LINGO2: variants seen among roughly 807,000 people sequenced by gnomAD.
LINGO2 encodes leucine-rich repeat and immunoglobulin-like domain-containing nogo receptor-interacting protein 2.
Under a neutral mutation model 30.6 loss-of-function variants are expected in LINGO2, and 14 were observed. The observed-to-expected ratio is 0.46, with a 90% CI of 0.30 to 0.72. The LOEUF is 0.72. Among genes scored for constraint, LINGO2 ranks in the 30% least tolerant of loss-of-function variants. The pLI is 0.07. For missense variants in LINGO2, 729 were observed against 751.7 expected (o/e 0.97, Z 0.35); for synonymous variants, 317 against 288.5 (o/e 1.10, Z -1.00).
the LINGO2 span, among the ~76,000 whole-genome samples, chr9:29,048,660 C>G: frequency 9.4e-4 from 143 of 152,144 alleles, no homozygotes; most frequent in East Asian, 5.2e-3. Flanking sequence ...AAAACAAATC[C>G]ACACACCTAC....
At chr9:28,990,293 G>C in the LINGO2 span, among the ~76,000 whole-genome samples, 1 of 152,222 alleles carries the variant, frequency 6.6e-6, no homozygotes, top group African/African-American at 2.4e-5. Context: ...GCAGCAGCAA[G>C]GCTGGGGGAG....
At chr9:28,908,658 C>A in the LINGO2 span, among the ~76,000 whole-genome samples, 6 of 151,730 alleles carry the variant, frequency 4.0e-5, no homozygotes, top group Admixed American at 3.9e-4. Flanking sequence ...GAAAAATAAT[C>A]GTTAAAAATG....
chr9:28,011,113 G>C (rs1822531586), intron 5 of LINGO2, among the ~76,000 whole-genome samples: 1 of 152,180 alleles, frequency 6.6e-6, no homozygotes, highest in Non-Finnish European at 1.5e-5. Context: ...ACTGGTCTAG[G>C]GAAAGGGGAT....
At chr9:28,126,045 A>C (rs1397912506) in intron 4 of LINGO2, among the ~76,000 whole-genome samples, 1 of 152,170 alleles carries the variant, frequency 6.6e-6, no homozygotes, top group Non-Finnish European at 1.5e-5. Context: ...TTAAATACTA[A>C]GCAGCTCTGT....
the LINGO2 span, among the ~76,000 whole-genome samples, chr9:29,025,342 CT>C: frequency 1.1e-4 from 17 of 151,538 alleles, no homozygotes; most frequent in South Asian, 3.1e-3. Flanking sequence ...AACATTTGGC[CT>C]TTTTTTTAAG....
the LINGO2 span, among the ~76,000 whole-genome samples, chr9:29,070,309 A>G: frequency 2.0e-5 from 3 of 152,216 alleles, 1 homozygote; most frequent in South Asian, 6.2e-4. Context: ...TTCATCAGGG[A>G]ACAATATCAT....
At chr9:29,168,439 C>T in the LINGO2 span, among the ~76,000 whole-genome samples, 2 of 152,292 alleles carry the variant, frequency 1.3e-5, no homozygotes, top group East Asian at 3.9e-4. Context: ...ATAGGAATCA[C>T]ACCCACACTT....
chr9:28,857,004 G>T, the LINGO2 span, among the ~76,000 whole-genome samples: 5 of 151,974 alleles, frequency 3.3e-5, no homozygotes, highest in Admixed American at 6.6e-5. Context: ...CAGAGAAAAT[G>T]CATAATCACT....
At chr9:28,828,959 T>C in the LINGO2 span, among the ~76,000 whole-genome samples, 2 of 152,180 alleles carry the variant, frequency 1.3e-5, no homozygotes, top group Non-Finnish European at 2.9e-5. Context: ...CCCTCAAGCC[T>C]GCAACTGTGG....
intron 2 of LINGO2, among the ~76,000 whole-genome samples, chr9:28,452,566 T>C (rs1824688914): frequency 6.6e-6 from 1 of 151,852 alleles, no homozygotes; most frequent in South Asian, 2.1e-4. Flanking sequence ...CCCTACCTCA[T>C]GCAATACACT....
the LINGO2 span, among the ~76,000 whole-genome samples, chr9:29,127,715 G>A: frequency 6.6e-6 from 1 of 152,152 alleles, no homozygotes; most frequent in South Asian, 2.1e-4. Context: ...TTACCTGAAG[G>A]CCACAAAGTG....
At chr9:28,434,105 A>T (rs2134971353) in intron 2 of LINGO2, among the ~76,000 whole-genome samples, 1 of 151,856 alleles carries the variant, frequency 6.6e-6, no homozygotes, top group South Asian at 2.1e-4. Flanking sequence ...AGGATTGGAA[A>T]ACCAAATATC....
chr9:28,387,019 C>A (rs986231438), intron 2 of LINGO2, among the ~76,000 whole-genome samples: 1 of 152,082 alleles, frequency 6.6e-6, no homozygotes, highest in Non-Finnish European at 1.5e-5. Flanking sequence ...ACTAATATAG[C>A]ATTGAGAGGT....
the LINGO2 span, among the ~76,000 whole-genome samples, chr9:28,788,364 A>T: frequency 6.6e-6 from 1 of 152,182 alleles, no homozygotes; most frequent in South Asian, 2.1e-4. Context: ...TGGCAAGAAG[A>T]TTGTTCTGAT....
chr9:28,796,655 T>A, the LINGO2 span, among the ~76,000 whole-genome samples: 1 of 151,896 alleles, frequency 6.6e-6, no homozygotes, highest in Non-Finnish European at 1.5e-5. Context: ...ATATACAAAT[T>A]GATAAGAGGG....
chr9:28,672,959 A>G (rs1829079023), upstream of LINGO2, among the ~76,000 whole-genome samples: 1 of 152,172 alleles, frequency 6.6e-6, no homozygotes, highest in African/African-American at 2.4e-5. Flanking sequence ...AAGAGTATGA[A>G]TGCAAAAGAA....
intron 1 of LINGO2, among the ~76,000 whole-genome samples, chr9:28,579,762 G>A (rs1347646175): frequency 6.6e-6 from 1 of 151,980 alleles, no homozygotes; most frequent in Non-Finnish European, 1.5e-5. Flanking sequence ...TGAATTATTT[G>A]GATTCCCTAA....
chr9:28,723,275 T>C, the LINGO2 span, among the ~76,000 whole-genome samples: 1 of 152,122 alleles, frequency 6.6e-6, no homozygotes, highest in African/African-American at 2.4e-5. Flanking sequence ...GCATACTGAA[T>C]TGTAATTCTT....
At chr9:28,744,609 CGTGT>C in the LINGO2 span, among the ~76,000 whole-genome samples, 3 of 133,952 alleles carry the variant, frequency 2.2e-5, no homozygotes, top group Non-Finnish European at 4.6e-5. Flanking sequence ...ATATTCCCCT[CGTGT>C]GTGTGTGTGT....
Sources: allele counts gnomAD v4.1 joint callset (sites outside exome capture counted in the v4.1 genomes callset), GRCh38; gene constraint gnomAD v4.1.1; transcripts MANE v1.5; gene names NCBI Gene and HGNC (gene_info 2026-07-23, HGNC 2026-07-21).